The following MAST3 variants were observed in gnomAD, a reference collection of about 807,000 sequenced individuals.
MAST3 encodes the protein microtubule associated serine/threonine kinase 3.
MAST3 carries 43 observed loss-of-function variants against 127.0 expected under a neutral mutation model. The observed-to-expected ratio is 0.34, with a 90% CI of 0.27 to 0.44. The LOEUF (loss-of-function observed/expected upper bound fraction) is 0.44, where lower values mean the gene tolerates loss of function less well. Ranked by LOEUF, MAST3 falls within the 20% of genes least tolerant of loss-of-function variation. MAST3 has a pLI of 1.00. For synonymous variants in MAST3, 785 were observed against 809.2 expected, an observed-to-expected ratio of 0.97 and a Z score of 0.51; for missense variants, 1,390 against 1,919.1, an observed-to-expected ratio of 0.72 and a Z score of 5.15.
In MAST3 at chr19:18,149,725, G is replaced by A. The variant is rs775066595; in HGVS notation, c.4043G>A (p.Ter1348=). 2 of 1,611,710 alleles carry A rather than the reference G, an allele frequency of 1.2e-6. No homozygotes were observed. Among genetic ancestry groups the A allele is most frequent in the South Asian group, 2.2e-5 (2 of 90,922 alleles). ...GCTCTCGGGCCCACCGGAAGAGACT[G>A]ATCCCCTGCCAGGTCTCTCCCTGGC... ...PVALGPTGRD[*] Residue 1348 remains the stop codon, a stop_retained_variant, in exon 28 of 28, where the codon TGA becomes TAA. Coordinates refer to ENST00000687212, the MANE Select transcript of MAST3 (RefSeq NM_001393504.1). This position sits in a 1 kb window ranked among gnomAD's most constrained non-coding sequence, Gnocchi z 5.9.
At chr19:18,114,749 C>T (rs907324809) in intron 3 of MAST3, among the ~76,000 whole-genome samples, 3 of 152,038 alleles carry the variant, frequency 2.0e-5, no homozygotes, top group African/African-American at 7.3e-5. Flanking sequence ...ATGAGTTGGG[C>T]GCTCATAGGC....
chr19:18,148,381 G>C, intron 27 of MAST3, among the ~76,000 whole-genome samples: 1 of 151,966 alleles, frequency 6.6e-6, no homozygotes, highest in East Asian at 1.9e-4. Flanking sequence ...AGGCTCACTT[G>C]AGCCCAGGAG....
chr19:18,133,549 A>ATTTTT (rs3048882), intron 15 of MAST3, among the ~76,000 whole-genome samples: 2 of 91,842 alleles, frequency 2.2e-5, no homozygotes, highest in Non-Finnish European at 2.0e-5. Context: ...CGCCCAGCTA[A>ATTTTT]TTTTTTTTTT....
intron 3 of MAST3, chr19:18,118,330 C>T (rs2039545854): frequency 1.2e-6 from 1 of 866,252 alleles, no homozygotes; most frequent in African/African-American, 1.8e-5. Flanking sequence ...GTCCTGGCCG[C>T]GTGGCGCGGA....
Position 18,149,784 on chromosome 19 carries a change from T to C in MAST3, c.*58T>C. The C allele has an allele frequency of 6.3e-7, 1 of 1,597,720 alleles. No homozygotes were observed. Among genetic ancestry groups the C allele is most frequent in the South Asian group, 1.1e-5 (1 of 90,254 alleles). On this transcript the variant is annotated 3_prime_UTR_variant, in exon 28 of 28. Transcript: ENST00000687212. The surrounding 1 kb of genome is among the most constrained non-coding windows in gnomAD (Gnocchi z 5.9). ...TACGCGTTTTCTTGTGCAATGTTTTTTCCGTAAAGTCATGCCTGGATGGGG... is the reference window on the plus strand; with the variant it reads ...TACGCGTTTTCTTGTGCAATGTTTTCTCCGTAAAGTCATGCCTGGATGGGG...
At chr19:18,143,418 A>C (rs2042723567) in intron 21 of MAST3, among the ~76,000 whole-genome samples, 1 of 152,094 alleles carries the variant, frequency 6.6e-6, no homozygotes, top group East Asian at 1.9e-4. Context: ...TCTACTAAAA[A>C]TACAAAAATT....
intron 18 of MAST3, among the ~76,000 whole-genome samples, chr19:18,136,480 A>G (rs1466690873): frequency 2.6e-5 from 4 of 152,208 alleles, no homozygotes; most frequent in South Asian, 4.1e-4. Context: ...GAGTTGCACA[A>G]TCTTGGCTCA....
At chr19:18,111,348 A>G (rs971716474) in intron 3 of MAST3, among the ~76,000 whole-genome samples, 1 of 151,982 alleles carries the variant, frequency 6.6e-6, no homozygotes, top group Non-Finnish European at 1.5e-5. Context: ...TCTACTGGCC[A>G]GTTGGTTGAC....
Position 18,147,560 on chromosome 19 carries a change from C to T in MAST3, c.3444C>T (p.Pro1148=). 6.3e-7 allele frequency: 1 copy of T among 1,588,776 alleles called. No homozygotes were observed. The highest frequency in any genetic ancestry group is 8.6e-7 in the Non-Finnish European group (1 of 1,168,332). ...LSSSESLPGS[P]THSLSPSPTT... ...CCAGTGAGAGCCTCCCCGGCTCGCC[C>T]ACCCACAGCCTCTCCCCCAGCCCCA... The change falls in exon 27 of 28, where the codon CCC becomes CCT. Residue 1148 remains proline (P), a synonymous_variant. Coordinates refer to ENST00000687212, the MANE Select transcript of MAST3 (RefSeq NM_001393504.1).
Position 18,145,024 on chromosome 19 carries a change from T to A in MAST3, c.2834T>A (p.Leu945His). The A allele has an allele frequency of 6.4e-7, 1 of 1,560,450 alleles. No homozygotes were observed. The highest frequency in any genetic ancestry group is 8.7e-7 in the Non-Finnish European group (1 of 1,151,068). Residue 945 changes from leucine to histidine, a missense_variant, in exon 24 of 28, where the codon CTC becomes CAC. This residue lies in a region of MAST3 where 816 missense variants were observed against 934.1 expected (regional missense o/e 0.87). Coordinates refer to ENST00000687212, the MANE Select transcript of MAST3 (RefSeq NM_001393504.1). This position sits in a 1 kb window ranked among gnomAD's most constrained non-coding sequence, Gnocchi z 5.9. ...GCAGATGATGGCAGCGGCGGCCCCC[T>A]CATGAGCCCCCTTTCCCCGCGCTCT... ...ITADDGSGGPLMSPLSPRSLS... is the reference protein window; with the variant it reads ...ITADDGSGGPHMSPLSPRSLS...
At chr19:18,118,012 C>A in intron 3 of MAST3, 2 of 674,636 alleles carry the variant, frequency 3.0e-6, no homozygotes, top group Non-Finnish European at 3.7e-6. Flanking sequence ...CAGTCGCGCT[C>A]GGGGGCGCGC....
intron 11 of MAST3, among the ~76,000 whole-genome samples, chr19:18,125,164 A>C (rs1235379908): frequency 6.6e-6 from 1 of 152,130 alleles, no homozygotes; most frequent in African/African-American, 2.4e-5. Context: ...GGCCCATCCG[A>C]TTCCAGAACC....
chr19:18,142,637 A>G (rs1354576955), intron 21 of MAST3, among the ~76,000 whole-genome samples: 2 of 149,360 alleles, frequency 1.3e-5, no homozygotes, highest in Non-Finnish European at 3.0e-5. Flanking sequence ...GGCGTGAGCC[A>G]ATGTGCCCGG....
intron 5 of MAST3, 49 bp downstream of exon 5, chr19:18,121,971 G>C (rs761317023): frequency 6.2e-7 from 1 of 1,603,006 alleles, no homozygotes; most frequent in African/African-American, 1.3e-5. Context: ...ACGGGCAAGG[G>C]TTGGGCAGGG....
rs1342249673 is a variant in MAST3, at chr19:18,112,787, C to A, written c.161+2046C>A. On this transcript the variant is annotated intron_variant, in intron 3 of 27. Transcript: ENST00000687212. The surrounding 1 kb of genome is among the most constrained non-coding windows in gnomAD (Gnocchi z 4.1). ...CACCCCGCCTGAGATTTTTTTTAAG[C>A]CTCTGTGTCTGCCTTGGGGGGAGAA... 6.6e-6 allele frequency among the ~76,000 whole-genome samples: 1 copy of A among 151,970 alleles called. No individual in the cohort carries two copies. The highest frequency in any genetic ancestry group is 1.5e-5 in the Non-Finnish European group (1 of 68,004).
At chr19:18,108,353 T>G (rs1177114194) in intron 2 of MAST3, among the ~76,000 whole-genome samples, 1 of 44,270 alleles carries the variant, frequency 2.3e-5, no homozygotes, top group East Asian at 4.3e-4. Flanking sequence ...TAGGTTGGGT[T>G]TTTTTTTTTT....
intron 17 of MAST3, 32 bp from the exon 18 acceptor site, chr19:18,135,708 C>T (rs1256075548): frequency 1.3e-6 from 2 of 1,529,656 alleles, no homozygotes; most frequent in African/African-American, 1.4e-5. Context: ...TTCTCCCTCC[C>T]TCCCTCATTT....
intron 1 of MAST3, among the ~76,000 whole-genome samples, chr19:18,098,325 C>A (rs1006087695): frequency 3.3e-5 from 5 of 151,962 alleles, no homozygotes; most frequent in African/African-American, 1.2e-4. Flanking sequence ...GAAACTGAGG[C>A]TCTAGTCCCG....
intron 1 of MAST3, among the ~76,000 whole-genome samples, chr19:18,101,543 C>T (rs1021797916): frequency 6.6e-6 from 1 of 152,152 alleles, no homozygotes; most frequent in African/African-American, 2.4e-5. Context: ...CTGGTGTTTT[C>T]CATGTGCCTG....
Sources: gnomAD v4.1 joint callset for allele counts (sites outside exome capture counted in the v4.1 genomes callset) on GRCh38, gnomAD v4.1.1 for gene constraint, gnomAD v4.1.1 regional missense constraint, Gnocchi (gnomAD v3.1) non-coding constraint, MANE v1.5 for transcripts, NCBI Gene and HGNC (gene_info 2026-07-23, HGNC 2026-07-21) for gene names.